The following RPS2 variants were observed in gnomAD, a reference collection of about 807,000 sequenced individuals.
RPS2 encodes small ribosomal subunit protein uS5.
In RPS2, 8 loss-of-function variants were observed where a neutral mutation model predicts 25.3. The observed-to-expected ratio is 0.32, with a 90% CI of 0.19 to 0.57. The LOEUF is 0.57. RPS2 is among the 20% of genes least tolerant of loss of function. RPS2 has a pLI of 0.90. For synonymous variants in RPS2, 181 were observed against 161.3 expected (o/e 1.12, Z -0.92); for missense variants, 229 against 408.1 (o/e 0.56, Z 3.78).
intron 3 of RPS2, chr16:1,964,023 G>C: frequency 1.9e-6 from 1 of 529,484 alleles, no homozygotes; most frequent in Non-Finnish European, 3.4e-6. Flanking sequence ...TTCTCTTTCA[G>C]TTCTTTCGAA....
intron 4 of RPS2, 30 bp from the exon 5 acceptor site, chr16:1,962,939 T>C: frequency 6.3e-7 from 1 of 1,596,942 alleles, no homozygotes; most frequent in Non-Finnish European, 8.5e-7. Context: ...AGGCAGCTGG[T>C]GGCCCTACAC....
At chr16:1,963,719 T>C in intron 3 of RPS2, 1 of 440,394 alleles carries the variant, frequency 2.3e-6, no homozygotes, top group Non-Finnish European at 4.6e-6. Context: ...TTACCCTATT[T>C]CTGCATCTCA....
intron 5 of RPS2, 24 bp downstream of exon 5, chr16:1,962,712 G>T: frequency 1.9e-6 from 3 of 1,591,038 alleles, no homozygotes; most frequent in Non-Finnish European, 1.7e-6. Context: ...CCCACGGCAG[G>T]CCCATCACCT....
chr16:1,964,136 C>G, intron 3 of RPS2, 140 bp downstream of exon 3: 1 of 680,820 alleles, frequency 1.5e-6, no homozygotes, highest in Non-Finnish European at 2.6e-6. Context: ...TCTCCTCAGC[C>G]AGCCCGCAAC....
Position 1,962,629 on chromosome 16 carries a change from C to G in RPS2, c.577G>C (p.Val193Leu). ...CCCCTGGGTGCAGGGATGAGGCGTACCAGCACAGAGCCGCAGCGGCCTGTC... is the reference window on the plus strand; with the variant it reads ...CCCCTGGGTGCAGGGATGAGGCGTAGCAGCACAGAGCCGCAGCGGCCTGTC... Reference protein sequence around the residue: ...KVTGRCGSVLVRLIPAPRGTG... With the variant: ...KVTGRCGSVLLRLIPAPRGTG... The change falls in exon 6 of 7, where the codon GTA becomes CTA. Residue 193 changes from valine to leucine, a missense_variant. Physicochemically the swap from Val to Leu is conservative, Grantham distance 32. Transcript: ENST00000343262. The G allele has an allele frequency of 6.2e-7, 1 of 1,607,398 alleles. No homozygotes were observed. The highest frequency in any genetic ancestry group is 8.5e-7 in the Non-Finnish European group (1 of 1,178,014).
Position 1,964,370 on chromosome 16 carries a change from AG to A in RPS2, c.178-6del. On this transcript the variant is annotated splice_polypyrimidine_tract_variant and splice_region_variant and intron_variant, in intron 2 of 6. Coordinates refer to ENST00000343262, the MANE Select transcript of RPS2 (RefSeq NM_002952.4). ...CAACTTGGTGACGGGCATCCACTAA[AG>A]GGAGAAAAGGCGCCAGTGACCAGGA... 1 of 1,613,454 alleles carries A rather than the reference AG, an allele frequency of 6.2e-7. No homozygotes were observed. Among genetic ancestry groups the A allele is most frequent in the East Asian group, 2.2e-5 (1 of 44,878 alleles).
intron 4 of RPS2, 66 bp downstream of exon 4, chr16:1,963,083 G>A: frequency 7.1e-7 from 1 of 1,410,614 alleles, no homozygotes; most frequent in Non-Finnish European, 1.0e-6. Context: ...GAAGCCAAGT[G>A]CAACTATGCA....
At chr16:1,964,232 C>T (rs777618126) in intron 3 of RPS2, 44 bp downstream of exon 3, 2 of 1,442,642 alleles carry the variant, frequency 1.4e-6, no homozygotes, top group Non-Finnish European at 2.0e-6. Flanking sequence ...GCCCAAATGA[C>T]TCCGGGGTCG....
At position 1,964,267 on chromosome 16, in the gene RPS2, G is replaced by A. The variant is rs761253070; in HGVS notation, c.267+9C>T. ...GCACTTGCTCAACGCCCCAACGACC[G>A]ACGCGTACCTTAATAGGCAGGGAGA... is the stretch of plus-strand genomic sequence containing the variant. On this transcript the variant is annotated intron_variant, in intron 3 of 6. Coordinates refer to ENST00000343262, the MANE Select transcript of RPS2 (RefSeq NM_002952.4). The A allele has an allele frequency of 2.5e-6, 4 of 1,607,666 alleles. No homozygotes were observed. The highest frequency in any genetic ancestry group is 2.6e-6 in the Non-Finnish European group (3 of 1,174,958).
chr16:1,963,018 C>T lies in RPS2; in HGVS notation c.376-109G>A, dbSNP rs747172545. ...AAAGAGAGGCCACAGTAAGGCCCAT[C>T]CGAGGTCCTGAGGAGATCTTTTCTC... On this transcript the variant is annotated intron_variant, in intron 4 of 6. Transcript: ENST00000343262. 7 of 1,404,122 alleles carry T rather than the reference C, an allele frequency of 5.0e-6. No homozygotes were observed. In the East Asian group the frequency reaches 1.4e-4, roughly 27 times the overall value. The allele number at this position is 1,404,122 out of a possible 1,614,324, so 87.0% of individuals were successfully genotyped here. A position where few individuals can be genotyped will look rare whatever the true frequency, so the allele number is the denominator to read the frequency against.
Position 1,963,081 on chromosome 16 carries a change from G to C in RPS2, c.375+68C>G, listed in dbSNP as rs200156644. ...ACGAAAGTCACACGGGTGAAGCCAAGTGCAACTATGCAGAGCCGAGAGAGT... is the reference window on the plus strand; with the variant it reads ...ACGAAAGTCACACGGGTGAAGCCAACTGCAACTATGCAGAGCCGAGAGAGT... On this transcript the variant is annotated intron_variant, in intron 4 of 6. Transcript: ENST00000343262. 9.8e-4 allele frequency: 1,380 copies of C among 1,410,786 alleles called. 2 individuals are homozygous for C. Among genetic ancestry groups the C allele is most frequent in the Middle Eastern group, 5.1e-3 (29 of 5,658 alleles). 87.4% of individuals were successfully genotyped at this position (1,410,786 alleles called of 1,614,324 possible).
At chr16:1,964,113 C>G in intron 3 of RPS2, 163 bp downstream of exon 3, 1 of 622,536 alleles carries the variant, frequency 1.6e-6, no homozygotes, top group Non-Finnish European at 2.9e-6. Context: ...CATCCAACCT[C>G]TAAGTGGAAT....
In RPS2 at chr16:1,962,893, C is replaced by G; in HGVS notation, c.392G>C (p.Gly131Ala). The change falls in exon 5 of 7, where the codon GGG becomes GCG. Residue 131 changes from glycine (G) to alanine (A), a missense_variant. This residue lies in a region of RPS2 where 15 missense variants were observed against 18.4 expected (regional missense o/e 0.81). Coordinates refer to ENST00000343262, the MANE Select transcript of RPS2 (RefSeq NM_002952.4). ...CAGACCGACGTGGCCATTGTAGTCC[C>G]CGATAGCAACAAATGCCTGCGAAAA... The part of the protein sequence containing the change: ...RTRFKAFVAI[G>A]DYNGHVGLGV... 2 of 1,600,908 alleles carry G rather than the reference C, an allele frequency of 1.2e-6. No homozygotes were observed. Among genetic ancestry groups the G allele is most frequent in the South Asian group, 1.1e-5 (1 of 91,036 alleles).
At chr16:1,964,409 G>A (rs989617066) in intron 2 of RPS2, 40 bp downstream of exon 2, 14 of 1,612,744 alleles carry the variant, frequency 8.7e-6, no homozygotes, top group African/African-American at 1.3e-5. Flanking sequence ...GCTCTCCGGC[G>A]CCGCCCAGGG....
chr16:1,964,208 A>G, intron 3 of RPS2, 68 bp downstream of exon 3: 1 of 1,186,864 alleles, frequency 8.4e-7, no homozygotes, highest in South Asian at 1.2e-5. Context: ...GCAGATGCTA[A>G]TCCTCCAACC....
intron 1 of RPS2, 77 bp from the exon 2 acceptor site, chr16:1,964,705 C>T (rs1342660816): frequency 3.6e-6 from 3 of 833,192 alleles, no homozygotes; most frequent in Admixed American, 3.2e-5. Context: ...CAGACAAGGG[C>T]TCCCGCCCAG....
chr16:1,963,097 C>CGT (rs1250816445), intron 4 of RPS2, 52 bp downstream of exon 4: 1 of 1,458,958 alleles, frequency 6.9e-7, no homozygotes, highest in Admixed American at 1.7e-5. Flanking sequence ...CTATGCAGAG[C>CGT]CGAGAGAGTC....
chr16:1,964,080 G>A (rs535855422), intron 3 of RPS2, 196 bp downstream of exon 3: 2 of 590,402 alleles, frequency 3.4e-6, no homozygotes, highest in African/African-American at 1.9e-5. Flanking sequence ...TGCCTTTTGT[G>A]GCTCTGGCTT....
intron 6 of RPS2, 37 bp downstream of exon 6, chr16:1,962,458 TGA>T (rs1491506810): frequency 1.4e-5 from 22 of 1,593,646 alleles, no homozygotes; most frequent in South Asian, 2.2e-5. Context: ...TAAGCGGAGC[TGA>T]GAGACCATGG....
Sources: gnomAD v4.1 joint callset for allele counts on GRCh38, gnomAD v4.1.1 for gene constraint, gnomAD v4.1.1 regional missense constraint, MANE v1.5 for transcripts, NCBI Gene and HGNC (gene_info 2026-07-23, HGNC 2026-07-21) for gene names.